RAB38: variants seen among roughly 807,000 people sequenced by gnomAD.
The protein encoded by RAB38 is RAB38, member RAS oncogene family.
RAB38 carries 15 observed loss-of-function variants against 18.4 expected under a neutral mutation model. That is an observed-to-expected ratio of 0.82 (90% CI 0.55 to 1.26). The LOEUF is 1.26. Ranked by LOEUF, RAB38 falls within the 50% of genes most tolerant of loss-of-function variation. RAB38 has a pLI of 0.00. For synonymous variants in RAB38, 101 were observed against 104.4 expected, an observed-to-expected ratio of 0.97 and a Z score of 0.20; for missense variants, 294 against 267.4, an observed-to-expected ratio of 1.10 and a Z score of -0.69.
chr11:87,880,795 CATTT>C, the RAB38 span, among the ~76,000 whole-genome samples: 1 of 151,802 alleles, frequency 6.6e-6, no homozygotes, highest in Non-Finnish European at 1.5e-5. Context: ...TTCATTTATT[CATTT>C]ATTCCACAAA....
At chr11:87,895,731 C>T in the RAB38 span, among the ~76,000 whole-genome samples, 3 of 151,378 alleles carry the variant, frequency 2.0e-5, no homozygotes, top group South Asian at 2.1e-4. Context: ...AATAAGTAAG[C>T]AAAATTTGAA....
At chr11:87,958,326 A>G in the RAB38 span, among the ~76,000 whole-genome samples, 3 of 152,150 alleles carry the variant, frequency 2.0e-5, no homozygotes, top group Admixed American at 6.6e-5. Flanking sequence ...TATTTTCAAC[A>G]TATGATGGGT....
the RAB38 span, among the ~76,000 whole-genome samples, chr11:88,009,489 A>T: frequency 6.6e-6 from 1 of 152,202 alleles, no homozygotes; most frequent in African/African-American, 2.4e-5. Context: ...TCTTCCACTT[A>T]TCCTGCATAG....
At chr11:87,823,199 A>G in the RAB38 span, among the ~76,000 whole-genome samples, 1 of 152,194 alleles carries the variant, frequency 6.6e-6, no homozygotes, top group Non-Finnish European at 1.5e-5. Context: ...CTCATGTGAA[A>G]GATTTACAAA....
At chr11:87,935,661 C>T in the RAB38 span, among the ~76,000 whole-genome samples, 671 of 152,186 alleles carry the variant, frequency 4.4e-3, 4 homozygotes, top group Non-Finnish European at 8.3e-3. Context: ...TAGTACAATA[C>T]AATCAAGATG....
the RAB38 span, among the ~76,000 whole-genome samples, chr11:87,838,785 C>A: frequency 1.3e-5 from 2 of 152,348 alleles, no homozygotes; most frequent in Admixed American, 1.3e-4. Context: ...GTTTTGCCAG[C>A]TCATCCTCTG....
chr11:88,107,265 G>T, the RAB38 span, among the ~76,000 whole-genome samples: 11,186 of 151,970 alleles, frequency 0.074, 694 homozygotes, highest in African/African-American at 0.17. Flanking sequence ...AAAACCCATA[G>T]GCTTTATCTG....
chr11:87,844,873 T>G, the RAB38 span, among the ~76,000 whole-genome samples: 3 of 152,138 alleles, frequency 2.0e-5, no homozygotes, highest in Non-Finnish European at 4.4e-5. Context: ...TTTGAATCAC[T>G]AGCACAAGAT....
chr11:88,148,369 G>A lies in RAB38; in HGVS notation c.483+1306C>T, dbSNP rs967607742. On this transcript the variant is annotated intron_variant, in intron 2 of 2. Coordinates refer to ENST00000243662, the MANE Select transcript of RAB38 (RefSeq NM_022337.3). ...TCCAAGTGCTTGCTTAATTGTGCTG[G>A]TCTTTGTAATTTGGTGGTATTCTCA... Among the ~76,000 whole-genome samples the A allele has an allele frequency of 2.4e-4, 37 of 152,118 alleles. 1 individual carries two copies. The highest frequency in any genetic ancestry group is 6.6e-4 in the Admixed American group (10 of 15,266).
intron 1 of RAB38, among the ~76,000 whole-genome samples, chr11:88,164,424 G>A (rs1943224464): frequency 1.3e-5 from 2 of 152,014 alleles, no homozygotes; most frequent in Non-Finnish European, 1.5e-5. Flanking sequence ...ATATCTGTTT[G>A]AAACTGGGGT....
At chr11:87,884,330 G>A in the RAB38 span, among the ~76,000 whole-genome samples, 8 of 151,932 alleles carry the variant, frequency 5.3e-5, no homozygotes, top group Non-Finnish European at 1.2e-4. Flanking sequence ...TCCTTGGGGA[G>A]GAAGATAATA....
chr11:87,919,634 G>A, the RAB38 span, among the ~76,000 whole-genome samples: 13 of 151,886 alleles, frequency 8.6e-5, no homozygotes, highest in African/African-American at 1.9e-4. Flanking sequence ...GTTGGGAAGC[G>A]TTCTTTCCTC....
chr11:88,120,286 G>A (rs1354696363), intron 2 of RAB38, among the ~76,000 whole-genome samples: 1 of 151,996 alleles, frequency 6.6e-6, no homozygotes, highest in African/African-American at 2.4e-5. Context: ...AGGTCTCAGG[G>A]ATAGTAAGGG....
chr11:87,922,240 G>T, the RAB38 span, among the ~76,000 whole-genome samples: 1 of 151,900 alleles, frequency 6.6e-6, no homozygotes, highest in Admixed American at 6.6e-5. Flanking sequence ...AAAAGGGAAA[G>T]ACTATACTGG....
At chr11:87,940,946 A>C in the RAB38 span, among the ~76,000 whole-genome samples, 1 of 151,646 alleles carries the variant, frequency 6.6e-6, no homozygotes, top group African/African-American at 2.4e-5. Flanking sequence ...AGGGTTATAC[A>C]TACTTACTTG....
At chr11:88,159,228 A>AATAAATAC (rs1170591476) in intron 1 of RAB38, among the ~76,000 whole-genome samples, 4 of 136,574 alleles carry the variant, frequency 2.9e-5, no homozygotes, top group Admixed American at 1.5e-4. Flanking sequence ...TAAATAAATA[A>AATAAATAC]ATAAATAAAA....
chr11:87,828,990 G>A, the RAB38 span, among the ~76,000 whole-genome samples: 1 of 152,160 alleles, frequency 6.6e-6, no homozygotes, highest in Non-Finnish European at 1.5e-5. Flanking sequence ...TTAAAAACTC[G>A]AAGGGAATTA....
At chr11:87,904,510 G>C in the RAB38 span, among the ~76,000 whole-genome samples, 1 of 151,698 alleles carries the variant, frequency 6.6e-6, no homozygotes, top group Admixed American at 6.6e-5. Flanking sequence ...TGCCTTGGTT[G>C]TTTCCATGCC....
the RAB38 span, among the ~76,000 whole-genome samples, chr11:88,030,606 G>A: frequency 1.2e-4 from 18 of 152,214 alleles, no homozygotes; most frequent in East Asian, 5.8e-4. Flanking sequence ...ACACCTCTAC[G>A]CAAATAAACT....
Sources: gnomAD v4.1 joint callset for allele counts (sites outside exome capture counted in the v4.1 genomes callset) on GRCh38, gnomAD v4.1.1 for gene constraint, MANE v1.5 for transcripts, NCBI Gene and HGNC (gene_info 2026-07-23, HGNC 2026-07-21) for gene names.